PCDHA1: variants seen among roughly 807,000 people sequenced by gnomAD.
PCDHA1 encodes protocadherin alpha-1.
In PCDHA1, 42 loss-of-function variants were observed where a neutral mutation model predicts 61.3. That is an observed-to-expected ratio of 0.69 (90% CI 0.54 to 0.89). The LOEUF is 0.89. Among genes scored for constraint, PCDHA1 ranks in the 40% least tolerant of loss-of-function variants. PCDHA1 has a pLI of 0.00. For missense variants in PCDHA1, 1,256 were observed against 1,235.3 expected (o/e 1.02, Z -0.25); for synonymous variants, 610 against 553.8 (o/e 1.10, Z -1.43).
chr5:140,796,875 A>T (rs1554120176), intron 1 of PCDHA1: 1 of 1,614,026 alleles, frequency 6.2e-7, no homozygotes, highest in East Asian at 2.2e-5. Context: ...CACGTGCCCT[A>T]GACGAGGCTG....
At chr5:140,932,471 A>G (rs1056932090) in intron 1 of PCDHA1, among the ~76,000 whole-genome samples, 11 of 152,050 alleles carry the variant, frequency 7.2e-5, no homozygotes, top group African/African-American at 1.7e-4. Flanking sequence ...TATAGGAAAT[A>G]GGATATCTCC....
At chr5:140,821,781 A>T in intron 1 of PCDHA1, 2 of 1,609,938 alleles carry the variant, frequency 1.2e-6, no homozygotes, top group Non-Finnish European at 1.7e-6. Flanking sequence ...TTGAGATGGT[A>T]TATTCCCGGA....
intron 2 of PCDHA1, among the ~76,000 whole-genome samples, chr5:140,981,118 G>A (rs1205022984): frequency 6.6e-6 from 1 of 152,196 alleles, no homozygotes; most frequent in Admixed American, 6.5e-5. Flanking sequence ...TACTGGATAT[G>A]TTGTTTGAAG....
At chr5:140,876,283 G>A in intron 1 of PCDHA1, 1 of 1,614,056 alleles carries the variant, frequency 6.2e-7, no homozygotes. Flanking sequence ...CGATCCAGAC[G>A]AAGGACTTAA....
intron 1 of PCDHA1, chr5:140,929,169 T>C: frequency 6.2e-7 from 1 of 1,614,188 alleles, no homozygotes; most frequent in Non-Finnish European, 8.5e-7. Flanking sequence ...ATCGGGCCTC[T>C]CTGGGACTTG....
At chr5:140,830,361 G>A (rs147693617) in intron 1 of PCDHA1, 1 of 1,614,126 alleles carries the variant, frequency 6.2e-7, no homozygotes, top group East Asian at 2.2e-5. Context: ...AGGCGGCAGA[G>A]GGTGTGCTCC....
At chr5:140,832,820 T>C (rs1554133674) in intron 1 of PCDHA1, among the ~76,000 whole-genome samples, 1 of 152,208 alleles carries the variant, frequency 6.6e-6, no homozygotes, top group East Asian at 1.9e-4. Context: ...AAAAAAATCT[T>C]TGCCTTTTTC....
chr5:140,963,365 T>C (rs2095759439), intron 1 of PCDHA1, among the ~76,000 whole-genome samples: 1 of 152,254 alleles, frequency 6.6e-6, no homozygotes. Flanking sequence ...CAAAGAACAT[T>C]AATTGAGCAC....
intron 3 of PCDHA1, among the ~76,000 whole-genome samples, chr5:141,006,464 C>T (rs1243356826): frequency 5.9e-5 from 9 of 152,100 alleles, no homozygotes; most frequent in African/African-American, 1.7e-4. Context: ...CTGCCTGTCT[C>T]GGCCTCCCAA....
intron 1 of PCDHA1, chr5:140,862,693 T>C (rs2047494827): frequency 1.8e-6 from 1 of 555,404 alleles, no homozygotes; most frequent in African/African-American, 1.9e-5. Flanking sequence ...GTCCTACTCG[T>C]TGATGGAACA....
chr5:140,969,781 A>G (rs1017019880), intron 1 of PCDHA1, among the ~76,000 whole-genome samples: 3 of 152,336 alleles, frequency 2.0e-5, no homozygotes, highest in East Asian at 1.9e-4. Flanking sequence ...AGGGGCTATC[A>G]TAGTCACCAC....
chr5:140,834,198 C>A, intron 1 of PCDHA1: 3 of 594,856 alleles, frequency 5.0e-6, no homozygotes, highest in East Asian at 2.8e-5. Flanking sequence ...CGCTCTTTAC[C>A]GCAAATTCTT....
intron 1 of PCDHA1, among the ~76,000 whole-genome samples, chr5:140,900,125 G>A (rs2067765908): frequency 6.6e-6 from 1 of 152,056 alleles, no homozygotes; most frequent in South Asian, 2.1e-4. Context: ...TTGATTTTTA[G>A]GTACCACAAA....
At chr5:140,984,030 A>T (rs900763001) in intron 3 of PCDHA1, among the ~76,000 whole-genome samples, 17 of 152,330 alleles carry the variant, frequency 1.1e-4, no homozygotes, top group African/African-American at 3.6e-4. Context: ...AAGGGGAAAA[A>T]CATAAAATAG....
At chr5:140,844,657 C>A (rs1252310311) in intron 1 of PCDHA1, among the ~76,000 whole-genome samples, 1 of 149,150 alleles carries the variant, frequency 6.7e-6, no homozygotes, top group Non-Finnish European at 1.5e-5. Context: ...TCTTGCAAAC[C>A]AAACATATAA....
chr5:140,852,046 T>C, intron 1 of PCDHA1: 1 of 917,334 alleles, frequency 1.1e-6, no homozygotes, highest in South Asian at 5.0e-5. Flanking sequence ...TTTTGTTATG[T>C]GGTTTATATT....
At chr5:140,831,064 T>C (rs957849785) in intron 1 of PCDHA1, 1 of 152,230 alleles carries the variant, frequency 6.6e-6, no homozygotes, top group Non-Finnish European at 1.5e-5. Context: ...TGTCCCCCTT[T>C]TAAACCATTG....
chr5:140,907,263 C>T (rs985030606), intron 1 of PCDHA1, among the ~76,000 whole-genome samples: 2 of 152,220 alleles, frequency 1.3e-5, no homozygotes, highest in Admixed American at 1.3e-4. Flanking sequence ...CTTCAAAAGG[C>T]CATTCCATCA....
rs1554129608 is a variant in PCDHA1, at chr5:140,823,796, C to G, written c.2394+35112C>G. ...GTGTCGCTGGTGGAAAGTGGCCAGG[C>G]GCCGAAGGCCTCATCGCGGGCGTCG... On this transcript the variant is annotated intron_variant, in intron 1 of 3. Transcript: ENST00000504120. 1.2e-6 allele frequency: 2 copies of G among 1,613,670 alleles called. No homozygotes were observed. The highest frequency in any genetic ancestry group is 2.2e-5 in the East Asian group (1 of 44,872).
Sources: allele counts gnomAD v4.1 joint callset (sites outside exome capture counted in the v4.1 genomes callset), GRCh38; gene constraint gnomAD v4.1.1; transcripts MANE v1.5; gene names NCBI Gene and HGNC (gene_info 2026-07-23, HGNC 2026-07-21).